Variants in NEB observed in about 807,000 individuals in gnomAD.
NEB encodes the protein nemaline myopathy type 2.
NEB carries 512 observed loss-of-function variants against 952.2 expected under a neutral mutation model. The ratio of observed to expected loss-of-function variants is 0.54; its 90% confidence interval spans 0.50 to 0.58. NEB has a LOEUF of 0.58. Ranked by LOEUF, NEB falls within the 20% of genes least tolerant of loss-of-function variation. The pLI is 0.00. For synonymous variants in NEB, 2,900 were observed against 3,149.8 expected, an observed-to-expected ratio of 0.92 and a Z score of 2.66; for missense variants, 8,428 against 9,231.1, an observed-to-expected ratio of 0.91 and a Z score of 3.56.
At chr2:151,489,157 A>G (rs1285505797) in intron 181 of NEB, among the ~76,000 whole-genome samples, 1 of 152,204 alleles carries the variant, frequency 6.6e-6, no homozygotes. Context: ...TAGGTCTAAC[A>G]CTTATTTAGA....
chr2:151,495,005 T>G (rs1313658310), intron 173 of NEB: 1 of 152,222 alleles, frequency 6.6e-6, no homozygotes, highest in Non-Finnish European at 1.5e-5. Flanking sequence ...CATAGACATA[T>G]CAGTAAAACT....
chr2:151,682,014 T>C (rs1306117512), intron 29 of NEB, among the ~76,000 whole-genome samples: 4 of 152,232 alleles, frequency 2.6e-5, no homozygotes, highest in Admixed American at 1.3e-4. Flanking sequence ...TTACTTTTAA[T>C]GTCAAAACTG....
intron 10 of NEB, among the ~76,000 whole-genome samples, chr2:151,712,368 T>C (rs902516763): frequency 2.6e-5 from 4 of 152,186 alleles, no homozygotes; most frequent in African/African-American, 9.7e-5. Context: ...TTAAGGATAA[T>C]TGAGCAGGAG....
chr2:151,495,222 C>T (rs565124435), intron 173 of NEB: 5 of 152,140 alleles, frequency 3.3e-5, no homozygotes, highest in African/African-American at 1.2e-4. Context: ...TCGGTATCTC[C>T]CCTCAGTGTC....
At chr2:151,533,021 A>G (rs547421303) in intron 143 of NEB, among the ~76,000 whole-genome samples, 1 of 152,296 alleles carries the variant, frequency 6.6e-6, no homozygotes, top group East Asian at 1.9e-4. Flanking sequence ...GGTAATCCTC[A>G]TCTCCCTGCA....
intron 10 of NEB, chr2:151,716,070 T>C (rs1385448142): frequency 2.5e-6 from 1 of 398,502 alleles, no homozygotes; most frequent in East Asian, 7.2e-5. Context: ...CTTTTTATTT[T>C]TCTTCCAAAA....
intron 13 of NEB, among the ~76,000 whole-genome samples, chr2:151,702,272 A>T (rs981584574): frequency 1.3e-5 from 2 of 151,410 alleles, no homozygotes; most frequent in Non-Finnish European, 2.9e-5. Context: ...TGCTGAGGAG[A>T]GCTTTACTTC....
At chr2:151,640,167 A>G (rs2154103867) in intron 61 of NEB, 107 bp from the exon 62 acceptor site, 7 of 1,474,218 alleles carry the variant, frequency 4.7e-6, no homozygotes, top group South Asian at 1.2e-5. Flanking sequence ...AGTTTGGTGG[A>G]CGGGCCAGGT....
rs778663301 is a variant in NEB at position 151,512,728 on chromosome 2, C to T, written c.23346+5G>A. On this transcript the variant is annotated splice_donor_5th_base_variant and intron_variant, in intron 161 of 181. Transcript: ENST00000397345. ...TATGAGTGATGGCATGACGAATGTC[C>T]TTACCTGGCTTGAAAGATTCTTGAC... The T allele has an allele frequency of 3.2e-5, 51 of 1,607,288 alleles. No individual in the cohort carries two copies. Among genetic ancestry groups the T allele is most frequent in the Non-Finnish European group, 4.3e-5 (50 of 1,174,126 alleles).
At chr2:151,728,636 T>C (rs1015875988) in intron 4 of NEB, among the ~76,000 whole-genome samples, 3 of 152,152 alleles carry the variant, frequency 2.0e-5, no homozygotes, top group Admixed American at 6.5e-5. Context: ...CAGCAGGCTG[T>C]AGTGGAAGAC....
rs369428164 is a variant in NEB, at chr2:151,552,741, A to G, written c.19767T>C (p.Asn6589=). The change falls in exon 128 of 182, where the codon AAT becomes AAC. Residue 6589 remains asparagine, a synonymous_variant. Coordinates refer to ENST00000397345, the MANE Select transcript of NEB (RefSeq NM_001164508.2). The part of the protein sequence containing the change: ...KYKAHMLKTR[N]DYKLVTDTPV... Reference sequence around the variant, plus strand: ...GTGTATCTGTGACAAGCTTGTAGTCATTCCTTGTTTTCAACATGTGAGCTT... The same window carrying G: ...GTGTATCTGTGACAAGCTTGTAGTCGTTCCTTGTTTTCAACATGTGAGCTT... 1 of 1,613,298 alleles carries G rather than the reference A, an allele frequency of 6.2e-7. No homozygotes were observed. Among genetic ancestry groups the G allele is most frequent in the Non-Finnish European group, 8.5e-7 (1 of 1,179,538 alleles).
At chr2:151,493,213 C>T (rs1192754983) in intron 176 of NEB, 140 bp downstream of exon 176, 2 of 660,612 alleles carry the variant, frequency 3.0e-6, no homozygotes, top group Non-Finnish European at 5.1e-6. Flanking sequence ...GGTGTTAAAA[C>T]GTTACTTTCC....
chr2:151,517,544 T>TA (rs773730371), intron 156 of NEB, among the ~76,000 whole-genome samples: 6 of 152,348 alleles, frequency 3.9e-5, no homozygotes, highest in Non-Finnish European at 8.8e-5. Flanking sequence ...TGGGATATGT[T>TA]ATGAGAAAGG....
chr2:151,554,785 G>A (rs1213665069), intron 125 of NEB, 146 bp downstream of exon 125: 1 of 695,992 alleles, frequency 1.4e-6, no homozygotes, highest in Non-Finnish European at 2.6e-6. Context: ...ATGCTGTACA[G>A]GTTTGTAGTC....
chr2:151,654,128 A>G (rs763220559), intron 51 of NEB, 29 bp from the exon 52 acceptor site: 3 of 1,437,574 alleles, frequency 2.1e-6, no homozygotes, highest in South Asian at 2.5e-5. Context: ...CTTCAGCATT[A>G]TTCTGTCTAT....
chr2:151,635,009 A>C (rs1426578945), intron 64 of NEB, among the ~76,000 whole-genome samples: 1 of 152,142 alleles, frequency 6.6e-6, no homozygotes, highest in East Asian at 1.9e-4. Context: ...TCAGCAAGAG[A>C]CAATATGGTA....
At chr2:151,613,590 T>G (rs1368027024) in intron 77 of NEB, among the ~76,000 whole-genome samples, 1 of 152,200 alleles carries the variant, frequency 6.6e-6, no homozygotes, top group Non-Finnish European at 1.5e-5. Context: ...TGTCCTATTA[T>G]AGTTTGATAT....
intron 48 of NEB, 53 bp from the exon 49 acceptor site, chr2:151,656,517 G>T: frequency 8.4e-7 from 1 of 1,188,552 alleles, no homozygotes; most frequent in Non-Finnish European, 1.1e-6. Context: ...ACTAAAAATC[G>T]ATCTAGTGTC....
chr2:151,618,237 T>C (rs1296463623), intron 74 of NEB, 38 bp downstream of exon 74: 1 of 1,558,922 alleles, frequency 6.4e-7, no homozygotes, highest in Non-Finnish European at 8.8e-7. Context: ...TGTTCTGTGG[T>C]AACTTTCGGT....
Sources: allele counts gnomAD v4.1 joint callset (sites outside exome capture counted in the v4.1 genomes callset), GRCh38; gene constraint gnomAD v4.1.1; transcripts MANE v1.5; gene names NCBI Gene and HGNC (gene_info 2026-07-23, HGNC 2026-07-21).